The following LYPD8 variants were observed in gnomAD, a reference collection of about 807,000 sequenced individuals.
LYPD8 encodes ly6/PLAUR domain-containing protein 8.
In LYPD8, 8 loss-of-function variants were observed where a neutral mutation model predicts 1.7. That is an observed-to-expected ratio of 4.58 (90% CI 2.69 to 8.27). The LOEUF (loss-of-function observed/expected upper bound fraction) is 8.27, where lower values mean the gene tolerates loss of function less well. Among genes scored for constraint, LYPD8 ranks in the 30% most tolerant of loss-of-function variants. The pLI is 0.00. For synonymous variants in LYPD8, 50 were observed against 43.6 expected, an observed-to-expected ratio of 1.15 and a Z score of -0.58; for missense variants, 112 against 102.3, an observed-to-expected ratio of 1.09 and a Z score of -0.41.
chr1:248,740,652 G>A (rs960117008), intron 6 of LYPD8, among the ~76,000 whole-genome samples: 5 of 148,182 alleles, frequency 3.4e-5, no homozygotes, highest in East Asian at 3.9e-4. Flanking sequence ...GTTCAAGGCC[G>A]GCTCTAGGAC....
At chr1:248,752,479 C>T (rs1176233806) in intron 2 of LYPD8, among the ~76,000 whole-genome samples, 2 of 149,158 alleles carry the variant, frequency 1.3e-5, no homozygotes, top group African/African-American at 5.1e-5. Context: ...CACCTCACCA[C>T]ACACATGCAC....
chr1:248,745,043 A>T, intron 6 of LYPD8, 99 bp downstream of exon 6: 1 of 395,090 alleles, frequency 2.5e-6, no homozygotes, highest in Non-Finnish European at 4.5e-6. Flanking sequence ...TTGTCCCACG[A>T]CTCCCCTGGT....
rs878934906 is a variant in LYPD8, at chr1:248,755,320, G to A, written c.-131C>T. ...CAAAGTTTTATTGCGGAATCTTTTC[G>A]ACAGCCTGGCAGGGTCCTGCTATAA... On this transcript the variant is annotated 5_prime_UTR_variant, in exon 2 of 7. Coordinates refer to ENST00000590317, the MANE Select transcript of LYPD8 (RefSeq NM_001085474.2). 14,335 of 152,212 alleles carry A rather than the reference G, an allele frequency of 0.094. 917 individuals are homozygous for A. The highest frequency in any genetic ancestry group is 0.25 in the East Asian group (1,304 of 5,168). 9.4% of individuals were successfully genotyped at this position (152,212 alleles called of 1,614,324 possible).
intron 6 of LYPD8, among the ~76,000 whole-genome samples, chr1:248,744,489 G>C (rs1336986004): frequency 1.3e-5 from 2 of 152,248 alleles, no homozygotes; most frequent in Admixed American, 1.3e-4. Flanking sequence ...ACAATGGTTA[G>C]TATCAAATGT....
rs971874547 is a variant in LYPD8, at chr1:248,748,414, G to A, written c.212C>T (p.Ala71Val). The part of the protein sequence containing the change: ...VRLYQNMFCS[A>V]ENCSEETHIT... ...GTGTGTCTCCTCACTGCAGTTCTCC[G>A]CTGAGCAGAACATATTCTGGTATAA... is the stretch of plus-strand genomic sequence containing the variant. The change falls in exon 5 of 7, where the codon GCG (alanine) becomes GTG (valine). Residue 71 changes from alanine (A) to valine (V), a missense_variant. By Grantham distance (64) the Ala-to-Val change is moderately conservative. Transcript: ENST00000590317. 10 of 424,776 alleles carry A rather than the reference G, an allele frequency of 2.4e-5. No individual in the cohort carries two copies. The Admixed American group carries it at 3.1e-4, about 13-fold the overall frequency. The allele number at this position is 424,776 out of a possible 1,614,324, so 26.3% of individuals were successfully genotyped here. A position where few individuals can be genotyped will look rare whatever the true frequency, so the allele number is the denominator to read the frequency against.
rs1039370564 is a variant in LYPD8 at position 248,750,591 on chromosome 1, G to A, written c.105C>T (p.Ser35=). The A allele has an allele frequency of 9.7e-4, 386 of 398,690 alleles. 1 individual carries two copies. Among genetic ancestry groups the A allele is most frequent in the African/African-American group, 7.2e-3 (349 of 48,756 alleles). The allele number at this position is 398,690 out of a possible 1,614,324, so 24.7% of individuals were successfully genotyped here. ...CNSWEKSCVN[S]IASECPSHAN... is the part of the protein sequence containing the mutation. ...CATGTGAGGGACATTCAGAGGCAAT[G>A]CTGTTGACACAGGATTTTTCCCATG... The change falls in exon 4 of 7, where the codon AGC becomes AGT. Residue 35 remains serine, a synonymous_variant. Transcript: ENST00000590317.
intron 2 of LYPD8, among the ~76,000 whole-genome samples, chr1:248,752,982 AC>A (rs1662842418): frequency 1.3e-5 from 1 of 74,096 alleles, no homozygotes; most frequent in Non-Finnish European, 2.6e-5. Flanking sequence ...CACACACACA[AC>A]ACAACACACA....
chr1:248,750,007 CTT>C (rs1342689712), intron 4 of LYPD8, among the ~76,000 whole-genome samples: 170 of 151,914 alleles, frequency 1.1e-3, no homozygotes, highest in Middle Eastern at 3.4e-3. Context: ...TCATTATACT[CTT>C]TTTCCTACTT....
At chr1:248,745,461 C>T (rs961499489) in intron 5 of LYPD8, among the ~76,000 whole-genome samples, 182 bp from the exon 6 acceptor site, 1 of 152,214 alleles carries the variant, frequency 6.6e-6, no homozygotes, top group Non-Finnish European at 1.5e-5. Context: ...CACAGCTCCA[C>T]AGATCTGCTC....
At position 248,739,732 on chromosome 1, in the gene LYPD8, CACTCAA is replaced by C. The variant is rs868956415; in HGVS notation, c.587_592del (p.Phe196_Glu197del). 6.7e-5 allele frequency: 104 copies of C among 1,551,614 alleles called. No individual in the cohort carries two copies. Among genetic ancestry groups the C allele is most frequent in the Non-Finnish European group, 8.7e-5 (100 of 1,146,998 alleles). Reference sequence around the variant, plus strand: ...GGGGGTTAAGCTGTTTACATTTGCACACTCAAACTTTCGAAAGATGACTCCTCCAAG... The same window carrying C: ...GGGGGTTAAGCTGTTTACATTTGCACACTTTCGAAAGATGACTCCTCCAAG... On this transcript the variant is annotated inframe_deletion, in exon 7 of 7. Coordinates refer to ENST00000590317, the MANE Select transcript of LYPD8 (RefSeq NM_001085474.2). The surrounding 1 kb of genome is among the most constrained non-coding windows in gnomAD (Gnocchi z 4.3).
chr1:248,746,468 C>T (rs1662727351), intron 5 of LYPD8, among the ~76,000 whole-genome samples: 2 of 152,242 alleles, frequency 1.3e-5, no homozygotes, highest in Admixed American at 1.3e-4. Flanking sequence ...AGTGTCTGGA[C>T]TTGAGATGTC....
intron 5 of LYPD8, among the ~76,000 whole-genome samples, chr1:248,746,570 C>A (rs1204865262): frequency 2.0e-5 from 3 of 149,570 alleles, no homozygotes; most frequent in African/African-American, 7.4e-5. Context: ...GCCAGCAGCA[C>A]CCACCCAGGG....
chr1:248,752,044 G>A (rs1210912050), intron 2 of LYPD8, among the ~76,000 whole-genome samples: 2 of 152,080 alleles, frequency 1.3e-5, no homozygotes, highest in African/African-American at 2.4e-5. Context: ...GCTCTGGCCT[G>A]AGCCCTTCTT....
chr1:248,741,399 G>T (rs1169981266), intron 6 of LYPD8, among the ~76,000 whole-genome samples: 1 of 152,188 alleles, frequency 6.6e-6, no homozygotes, highest in Non-Finnish European at 1.5e-5. Flanking sequence ...TAGAGACAGG[G>T]TTTCACCATG....
intron 6 of LYPD8, among the ~76,000 whole-genome samples, chr1:248,743,588 A>G (rs1553283776): frequency 1.3e-5 from 2 of 152,098 alleles, no homozygotes; most frequent in African/African-American, 4.8e-5. Context: ...CACTTAACAA[A>G]TATTAAAATC....
At chr1:248,751,744 C>A (rs1411187923) in intron 2 of LYPD8, among the ~76,000 whole-genome samples, 2 of 152,116 alleles carry the variant, frequency 1.3e-5, no homozygotes, top group African/African-American at 4.8e-5. Flanking sequence ...TGGGAGGTAT[C>A]AGAACTGGAG....
intron 5 of LYPD8, 41 bp downstream of exon 5, chr1:248,748,248 C>T: frequency 2.5e-6 from 1 of 395,008 alleles, no homozygotes; most frequent in Non-Finnish European, 4.4e-6. Flanking sequence ...CCCGCACGGC[C>T]AGCACCCACC....
chr1:248,751,299 A>G (rs1662798248), intron 2 of LYPD8, among the ~76,000 whole-genome samples, 169 bp from the exon 3 acceptor site: 1 of 152,208 alleles, frequency 6.6e-6, no homozygotes, highest in Non-Finnish European at 1.5e-5. Context: ...CTGCAAACGG[A>G]GGGCCAAGTT....
In LYPD8 at chr1:248,753,077, CCCA is replaced by C. The variant is rs1662847567; in HGVS notation, c.-49-1950_-49-1948del. Among the ~76,000 whole-genome samples, 2 of 111,590 alleles carry C rather than the reference CCCA, an allele frequency of 1.8e-5. 1 individual carries two copies. The highest frequency in any genetic ancestry group is 8.9e-5 in the African/African-American group (2 of 22,516). The allele number at this position is 111,590 out of a possible 152,430, so 73.2% of individuals were successfully genotyped here. On this transcript the variant is annotated intron_variant, in intron 2 of 6. Transcript: ENST00000590317. ...CACACACCCCACACACCCCACACAC[CCCA>C]CACCACACTACACACACACCACACA...
Sources: gnomAD v4.1 joint callset for allele counts (sites outside exome capture counted in the v4.1 genomes callset) on GRCh38, gnomAD v4.1.1 for gene constraint, Gnocchi (gnomAD v3.1) non-coding constraint, MANE v1.5 for transcripts, NCBI Gene and HGNC (gene_info 2026-07-23, HGNC 2026-07-21) for gene names.